CTNND2: variants seen among roughly 807,000 people sequenced by gnomAD.
CTNND2 encodes the protein catenin delta-2.
Under a neutral mutation model 144.4 loss-of-function variants are expected in CTNND2, and 22 were observed. The ratio of observed to expected loss-of-function variants is 0.15; its 90% CI spans 0.11 to 0.22. The LOEUF is 0.22. Ranked by LOEUF, CTNND2 falls within the 10% of genes least tolerant of loss-of-function variation. CTNND2 has a pLI of 1.00. For missense variants in CTNND2, 1,353 were observed against 1,618.8 expected (o/e 0.84, Z 2.82); for synonymous variants, 751 against 695.6 (o/e 1.08, Z -1.25).
chr5:11,624,262 T>G (rs1781032719), intron 2 of CTNND2, among the ~76,000 whole-genome samples: 1 of 152,112 alleles, frequency 6.6e-6, no homozygotes. Flanking sequence ...CCAAAGCGTG[T>G]TAAATTTACA....
Position 11,628,247 on chromosome 5 carries a change from T to C in CTNND2, c.175-63191A>G, listed in dbSNP as rs545403125. Among the ~76,000 whole-genome samples the C allele has an allele frequency of 6.6e-5, 10 of 152,266 alleles. No homozygotes were observed. The South Asian group carries it at 1.9e-3, about 28-fold the overall frequency. Reference sequence around the variant, plus strand: ...AGTCTTAATTTTAGATTAAAATATTTAATGGTCCAGGATCAAGACACTGAG... The same window carrying C: ...AGTCTTAATTTTAGATTAAAATATTCAATGGTCCAGGATCAAGACACTGAG... On this transcript the variant is annotated intron_variant, in intron 2 of 21. Coordinates refer to ENST00000304623, the MANE Select transcript of CTNND2 (RefSeq NM_001332.4).
At chr5:11,676,455 C>T (rs1784179319) in intron 2 of CTNND2, among the ~76,000 whole-genome samples, 1 of 151,886 alleles carries the variant, frequency 6.6e-6, no homozygotes, top group South Asian at 2.1e-4. Context: ...GGGTGAAAGT[C>T]CGTGAGTTAA....
chr5:11,347,625 A>G (rs1351197138), intron 8 of CTNND2, among the ~76,000 whole-genome samples: 1 of 152,244 alleles, frequency 6.6e-6, no homozygotes, highest in Non-Finnish European at 1.5e-5. Context: ...CATGATCAAC[A>G]GCAGACAGCC....
At chr5:11,752,980 G>A (rs1027984623) in intron 1 of CTNND2, among the ~76,000 whole-genome samples, 1 of 151,656 alleles carries the variant, frequency 6.6e-6, no homozygotes, top group African/African-American at 2.4e-5. Flanking sequence ...CCCTCAGCTT[G>A]GACACTGTTG....
intron 1 of CTNND2, among the ~76,000 whole-genome samples, chr5:11,825,664 TTAA>T (rs1270081921): frequency 1.3e-5 from 2 of 152,094 alleles, no homozygotes; most frequent in African/African-American, 4.8e-5. Context: ...TTTATCATTA[TTAA>T]TAATATTATT....
intron 1 of CTNND2, among the ~76,000 whole-genome samples, chr5:11,871,316 C>T (rs1735103453): frequency 6.6e-6 from 1 of 152,178 alleles, no homozygotes; most frequent in African/African-American, 2.4e-5. Context: ...GATGATACCA[C>T]ATAGAGACAG....
rs747156511 is a variant in CTNND2 at position 11,111,085 on chromosome 5, A to G, written c.2278-42T>C. ...AACAGAGGAAAGAATGAGTAAAACT[A>G]GCACTCAGCACTCCATTCTTCCACC... On this transcript the variant is annotated intron_variant, in intron 13 of 21. Coordinates refer to ENST00000304623, the MANE Select transcript of CTNND2 (RefSeq NM_001332.4). 71 of 1,570,070 alleles carry G rather than the reference A, an allele frequency of 4.5e-5. No homozygotes were observed. The South Asian group carries it at 7.9e-4, about 17-fold the overall frequency.
At chr5:11,144,894 T>C (rs554183017) in intron 12 of CTNND2, among the ~76,000 whole-genome samples, 5 of 152,128 alleles carry the variant, frequency 3.3e-5, no homozygotes, top group Non-Finnish European at 7.3e-5. Context: ...CCCCTTATCG[T>C]TCCCAACAGC....
At chr5:11,856,791 T>C (rs564774444) in intron 1 of CTNND2, among the ~76,000 whole-genome samples, 10 of 152,196 alleles carry the variant, frequency 6.6e-5, no homozygotes, top group Admixed American at 5.9e-4. Context: ...TTTTAAAATA[T>C]GTACTTGGAC....
At chr5:11,793,828 T>C (rs1218378343) in intron 1 of CTNND2, among the ~76,000 whole-genome samples, 2 of 152,258 alleles carry the variant, frequency 1.3e-5, no homozygotes, top group Non-Finnish European at 2.9e-5. Context: ...ACATTGGCTT[T>C]TGATACCTAT....
intron 2 of CTNND2, among the ~76,000 whole-genome samples, chr5:11,644,393 T>C (rs1365593343): frequency 6.6e-6 from 1 of 152,042 alleles, no homozygotes; most frequent in Non-Finnish European, 1.5e-5. Context: ...CAAGCGGCTG[T>C]GCCGGGTGCA....
rs917460300 is a variant in CTNND2, at chr5:11,712,312, C to T, written c.174+19824G>A. 5.3e-5 allele frequency among the ~76,000 whole-genome samples: 8 copies of T among 151,730 alleles called. No individual in the cohort carries two copies. In the East Asian group the frequency reaches 1.6e-3, roughly 29 times the overall value. ...CTTTCATTGCATTTTTTTTTAATGG[C>T]AAAGTGGTAGCTGATTTTTAAAGAG... On this transcript the variant is annotated intron_variant, in intron 2 of 21. Coordinates refer to ENST00000304623, the MANE Select transcript of CTNND2 (RefSeq NM_001332.4).
chr5:11,387,648 A>T (rs1396337414), intron 6 of CTNND2, among the ~76,000 whole-genome samples: 1 of 152,188 alleles, frequency 6.6e-6, no homozygotes, highest in African/African-American at 2.4e-5. Flanking sequence ...AAATGAGAAG[A>T]AAGAACCCTT....
At chr5:11,373,149 C>T (rs1042634131) in intron 7 of CTNND2, among the ~76,000 whole-genome samples, 1 of 152,200 alleles carries the variant, frequency 6.6e-6, no homozygotes, top group African/African-American at 2.4e-5. Flanking sequence ...CTACAGTTGT[C>T]CGGGCCCCAC....
chr5:11,125,007 G>A (rs1019661111), intron 12 of CTNND2, among the ~76,000 whole-genome samples: 9 of 152,150 alleles, frequency 5.9e-5, no homozygotes, highest in African/African-American at 2.2e-4. Flanking sequence ...TCGGGGAAAC[G>A]GCAGCTCTGC....
At chr5:11,184,414 A>G (rs1437771469) in intron 11 of CTNND2, among the ~76,000 whole-genome samples, 1 of 152,190 alleles carries the variant, frequency 6.6e-6, no homozygotes, top group African/African-American at 2.4e-5. Flanking sequence ...TGAAAACAGA[A>G]TTGCACTTAT....
At chr5:11,349,451 C>T (rs989695669) in intron 8 of CTNND2, among the ~76,000 whole-genome samples, 4 of 152,026 alleles carry the variant, frequency 2.6e-5, no homozygotes, top group African/African-American at 7.2e-5. Flanking sequence ...AGAAACTAGC[C>T]GGCAGTCAGC....
At chr5:11,260,912 G>T (rs1744790725) in intron 9 of CTNND2, among the ~76,000 whole-genome samples, 1 of 152,098 alleles carries the variant, frequency 6.6e-6, no homozygotes, top group African/African-American at 2.4e-5. Context: ...CCATACAAAG[G>T]TTATTAAATT....
At chr5:11,223,488 CTTT>C (rs1475228473) in intron 10 of CTNND2, among the ~76,000 whole-genome samples, 154 of 152,328 alleles carry the variant, frequency 1.0e-3, no homozygotes, top group Non-Finnish European at 1.9e-3. Flanking sequence ...GTGTAGCTTC[CTTT>C]CCTCTCCTAG....
Sources: gnomAD v4.1 joint callset for allele counts (sites outside exome capture counted in the v4.1 genomes callset) on GRCh38, gnomAD v4.1.1 for gene constraint, MANE v1.5 for transcripts, NCBI Gene and HGNC (gene_info 2026-07-23, HGNC 2026-07-21) for gene names.